The following SNAPC1 variants were observed in gnomAD, a reference collection of about 807,000 sequenced individuals.
SNAPC1 encodes snRNA-activating protein complex subunit 1.
In SNAPC1, 42 loss-of-function variants were observed where a neutral mutation model predicts 50.1. That is an observed-to-expected ratio of 0.84 (90% confidence interval 0.65 to 1.08). The LOEUF is 1.08. SNAPC1 is among the 50% of genes least tolerant of loss of function. The pLI is 0.00. For synonymous variants in SNAPC1, 164 were observed against 144.2 expected (o/e 1.14, Z -0.98); for missense variants, 477 against 427.3 (o/e 1.12, Z -1.02).
rs1224577963 is a variant in SNAPC1, at chr14:61,795,254, T to C, written c.*271T>C. On this transcript the variant is annotated 3_prime_UTR_variant, in exon 10 of 10. Coordinates refer to ENST00000216294, the MANE Select transcript of SNAPC1 (RefSeq NM_003082.4). ...AAAAAATTCTGTTATTCGCAGATTGTTACTATTTCCTATAAGGTTTTGTGA... is the reference window on the plus strand; with the variant it reads ...AAAAAATTCTGTTATTCGCAGATTGCTACTATTTCCTATAAGGTTTTGTGA... 1 of 373,968 alleles carries C rather than the reference T, an allele frequency of 2.7e-6. No individual in the cohort carries two copies. Among genetic ancestry groups the C allele is most frequent in the Non-Finnish European group, 4.8e-6 (1 of 209,320 alleles). The allele number at this position is 373,968 out of a possible 1,614,324, so 23.2% of individuals were successfully genotyped here. A position where few individuals can be genotyped will look rare whatever the true frequency, so the allele number is the denominator to read the frequency against.
intron 5 of SNAPC1, among the ~76,000 whole-genome samples, chr14:61,777,505 G>T (rs915580837): frequency 1.3e-5 from 2 of 152,024 alleles, no homozygotes; most frequent in African/African-American, 4.8e-5. Flanking sequence ...AGCCTTCAGT[G>T]TAACTGGGTT....
At chr14:61,779,002 T>C (rs1170978659) in intron 7 of SNAPC1, 92 bp downstream of exon 7, 1 of 719,830 alleles carries the variant, frequency 1.4e-6, no homozygotes, top group African/African-American at 1.8e-5. Context: ...ATGTACTTAG[T>C]TTTAAAAGTC....
intron 9 of SNAPC1, among the ~76,000 whole-genome samples, chr14:61,793,949 C>A (rs1188197784): frequency 1.3e-5 from 2 of 152,174 alleles, no homozygotes; most frequent in African/African-American, 4.8e-5. Context: ...AGCCACTGCA[C>A]CCGGCCGGAA....
intron 8 of SNAPC1, among the ~76,000 whole-genome samples, chr14:61,788,697 A>G (rs1050748308): frequency 7.2e-5 from 11 of 152,222 alleles, no homozygotes; most frequent in African/African-American, 2.4e-4. Flanking sequence ...AGGAAATAAA[A>G]TCTCAGTTTA....
At chr14:61,787,200 G>C (rs779198111) in intron 8 of SNAPC1, among the ~76,000 whole-genome samples, 1 of 152,144 alleles carries the variant, frequency 6.6e-6, no homozygotes, top group Admixed American at 6.5e-5. Context: ...CTATATTTTC[G>C]TTGCAGTGGT....
intron 5 of SNAPC1, among the ~76,000 whole-genome samples, chr14:61,776,497 A>G (rs2045036340): frequency 6.6e-6 from 1 of 151,948 alleles, no homozygotes; most frequent in Non-Finnish European, 1.5e-5. Flanking sequence ...ATCTTGTTAT[A>G]CCTCAGATTT....
intron 1 of SNAPC1, among the ~76,000 whole-genome samples, chr14:61,763,349 G>C (rs1282564880): frequency 1.3e-5 from 2 of 152,056 alleles, no homozygotes; most frequent in African/African-American, 2.4e-5. Context: ...TTATTACTCT[G>C]TAGTGGTGCC....
chr14:61,781,152 C>G (rs2045068698), intron 7 of SNAPC1, among the ~76,000 whole-genome samples: 1 of 151,858 alleles, frequency 6.6e-6, no homozygotes, highest in African/African-American at 2.4e-5. Context: ...TACGTGGTTG[C>G]TTTTTAAGAA....
At chr14:61,782,160 C>A in intron 7 of SNAPC1, 87 bp from the exon 8 acceptor site, 1 of 1,045,374 alleles carries the variant, frequency 9.6e-7, no homozygotes, top group Non-Finnish European at 1.4e-6. Context: ...CTTTCCTCAT[C>A]TTTGATTGTA....
intron 1 of SNAPC1, among the ~76,000 whole-genome samples, chr14:61,765,395 GT>G (rs1477097033): frequency 6.6e-6 from 1 of 152,174 alleles, no homozygotes; most frequent in Non-Finnish European, 1.5e-5. Context: ...GCCCAAGGTG[GT>G]CAGGGCACAG....
chr14:61,783,680 C>T (rs1459694159), intron 8 of SNAPC1, among the ~76,000 whole-genome samples: 5 of 151,700 alleles, frequency 3.3e-5, no homozygotes, highest in African/African-American at 1.2e-4. Flanking sequence ...GGACTACAGG[C>T]GCCCACCACC....
intron 8 of SNAPC1, among the ~76,000 whole-genome samples, chr14:61,785,419 AAGAG>A (rs771590109): frequency 3.3e-5 from 5 of 152,158 alleles, no homozygotes; most frequent in Non-Finnish European, 5.9e-5. Context: ...TCAAAAAAAA[AAGAG>A]AGAGACACAA....
At chr14:61,786,159 G>A (rs975259989) in intron 8 of SNAPC1, among the ~76,000 whole-genome samples, 3 of 152,132 alleles carry the variant, frequency 2.0e-5, no homozygotes, top group African/African-American at 7.2e-5. Flanking sequence ...AATGGATTAT[G>A]GACCTAAATT....
intron 1 of SNAPC1, 94 bp from the exon 2 acceptor site, chr14:61,766,782 T>G: frequency 1.5e-6 from 1 of 647,142 alleles, no homozygotes. Flanking sequence ...CCTCATCAAA[T>G]TATAACTACC....
intron 4 of SNAPC1, 35 bp from the exon 5 acceptor site, chr14:61,776,060 G>C: frequency 6.5e-7 from 1 of 1,535,228 alleles, no homozygotes; most frequent in Non-Finnish European, 8.7e-7. Context: ...TCCTCAAAAA[G>C]TGAAGAAATA....
chr14:61,763,403 C>G (rs2044922795), intron 1 of SNAPC1, among the ~76,000 whole-genome samples: 1 of 152,010 alleles, frequency 6.6e-6, no homozygotes, highest in Admixed American at 6.5e-5. Flanking sequence ...CTTGCCAAGA[C>G]CATTCCTCAC....
At chr14:61,780,135 A>G (rs2045061683) in intron 7 of SNAPC1, among the ~76,000 whole-genome samples, 1 of 152,214 alleles carries the variant, frequency 6.6e-6, no homozygotes, top group Non-Finnish European at 1.5e-5. Context: ...AGTTATTTAG[A>G]GAGCAATCTT....
At chr14:61,786,096 G>T (rs1395160199) in intron 8 of SNAPC1, among the ~76,000 whole-genome samples, 1 of 152,118 alleles carries the variant, frequency 6.6e-6, no homozygotes, top group African/African-American at 2.4e-5. Flanking sequence ...TACTGACATT[G>T]CAAGAAAGAA....
chr14:61,792,409 C>T (rs1170062035), intron 8 of SNAPC1, among the ~76,000 whole-genome samples: 1 of 152,024 alleles, frequency 6.6e-6, no homozygotes. Flanking sequence ...ATGTTCACAT[C>T]CAAAAGTAAG....
Sources: gnomAD v4.1 joint callset for allele counts (sites outside exome capture counted in the v4.1 genomes callset) on GRCh38, gnomAD v4.1.1 for gene constraint, MANE v1.5 for transcripts, NCBI Gene and HGNC (gene_info 2026-07-23, HGNC 2026-07-21) for gene names.